Variants in CNTNAP5 observed in about 807,000 individuals in gnomAD.
CNTNAP5 encodes the protein contactin-associated protein-like 5.
In CNTNAP5, 72 loss-of-function variants were observed where a neutral mutation model predicts 150.2. The ratio of observed to expected loss-of-function variants is 0.48; its 90% CI spans 0.40 to 0.58. The LOEUF is 0.58. Ranked by LOEUF, CNTNAP5 falls within the 20% of genes least tolerant of loss-of-function variation. The pLI, the probability that CNTNAP5 is intolerant of heterozygous loss-of-function variation, is 0.00. For synonymous variants in CNTNAP5, 672 were observed against 619.8 expected (o/e 1.08, Z -1.25); for missense variants, 1,636 against 1,626.2 (o/e 1.01, Z -0.10).
chr2:124,810,906 C>T (rs1464831460), intron 19 of CNTNAP5, among the ~76,000 whole-genome samples: 1 of 152,024 alleles, frequency 6.6e-6, no homozygotes, highest in Non-Finnish European at 1.5e-5. Context: ...TCTGTAAAAC[C>T]AGGATAGCCC....
At position 124,469,453 on chromosome 2, in the gene CNTNAP5, A is replaced by G. The variant is rs184994741; in HGVS notation, c.919-5286A>G. Among the ~76,000 whole-genome samples, 18 of 152,324 alleles carry G rather than the reference A, an allele frequency of 1.2e-4. No homozygotes were observed. In the South Asian group the frequency reaches 1.9e-3, roughly 16 times the overall value. On this transcript the variant is annotated intron_variant, in intron 6 of 23. Transcript: ENST00000682447. ...AAAATACAAATGTCATTAAATATTT[A>G]AAATAATAAAAATAAGTAAAAGTAA...
At chr2:124,455,656 A>G (rs948797425) in intron 6 of CNTNAP5, among the ~76,000 whole-genome samples, 4 of 152,158 alleles carry the variant, frequency 2.6e-5, no homozygotes, top group African/African-American at 4.8e-5. Context: ...CATAGATGCA[A>G]AAATCCTTAG....
chr2:124,226,939 C>T (rs1262947537), intron 2 of CNTNAP5, among the ~76,000 whole-genome samples: 1 of 152,028 alleles, frequency 6.6e-6, no homozygotes, highest in Non-Finnish European at 1.5e-5. Context: ...ATCCATTAAA[C>T]CATTAATCCA....
intron 16 of CNTNAP5, among the ~76,000 whole-genome samples, chr2:124,769,488 A>G (rs1357031657): frequency 2.0e-5 from 3 of 152,044 alleles, no homozygotes; most frequent in Admixed American, 2.0e-4. Flanking sequence ...GGGAAGTTGA[A>G]CTTAGAGGGT....
intron 10 of CNTNAP5, among the ~76,000 whole-genome samples, chr2:124,539,544 G>T (rs1695327357): frequency 6.6e-6 from 1 of 152,188 alleles, no homozygotes; most frequent in South Asian, 2.1e-4. Context: ...CAATGAATAT[G>T]TCACTTCTTT....
At position 124,517,854 on chromosome 2, in the gene CNTNAP5, G is replaced by C. The variant is rs1224004618; in HGVS notation, c.1328-6449G>C. 2.1e-4 allele frequency among the ~76,000 whole-genome samples: 31 copies of C among 150,942 alleles called. 1 individual carries two copies. The highest frequency in any genetic ancestry group is 2.0e-3 in the Admixed American group (31 of 15,166). On this transcript the variant is annotated intron_variant, in intron 8 of 23. Transcript: ENST00000682447. ...GTGGTTTTGATGATTGTTCCTAATG[G>C]TGTTGATGATGGAGGGTTGTAGTGT... is the stretch of plus-strand genomic sequence containing the variant.
At chr2:124,891,237 G>A (rs1014312546) in intron 21 of CNTNAP5, among the ~76,000 whole-genome samples, 2 of 152,016 alleles carry the variant, frequency 1.3e-5, no homozygotes, top group African/African-American at 4.8e-5. Flanking sequence ...TGGGTGCCTT[G>A]ATGGGGATAT....
chr2:124,115,142 CTA>C (rs1683393456), intron 1 of CNTNAP5, among the ~76,000 whole-genome samples: 1 of 151,840 alleles, frequency 6.6e-6, no homozygotes, highest in Admixed American at 6.6e-5. Context: ...AATCATTTGA[CTA>C]TTATATTTTA....
At chr2:124,319,468 A>G (rs1573913646) in intron 3 of CNTNAP5, among the ~76,000 whole-genome samples, 1 of 152,174 alleles carries the variant, frequency 6.6e-6, no homozygotes, top group Admixed American at 6.5e-5. Context: ...TAAGTACCTG[A>G]TTTTGTATTT....
intron 13 of CNTNAP5, among the ~76,000 whole-genome samples, chr2:124,693,738 A>G (rs1195681280): frequency 6.6e-6 from 1 of 151,842 alleles, no homozygotes; most frequent in Non-Finnish European, 1.5e-5. Flanking sequence ...TTATTTTTCA[A>G]TAGAGTGGAA....
At position 124,294,651 on chromosome 2, in the gene CNTNAP5, G is replaced by A. The variant is rs1290510161; in HGVS notation, c.381+52258G>A. On this transcript the variant is annotated intron_variant, in intron 3 of 23. Coordinates refer to ENST00000682447, the MANE Select transcript of CNTNAP5 (RefSeq NM_001367498.1). ...TGTAGAGGTATTTGGAGGCTTATAGGTCTTTGTGAGGAGCTCGAATTTGAT... is the reference window on the plus strand; with the variant it reads ...TGTAGAGGTATTTGGAGGCTTATAGATCTTTGTGAGGAGCTCGAATTTGAT... 2.0e-5 allele frequency among the ~76,000 whole-genome samples: 3 copies of A among 152,334 alleles called. No homozygotes were observed. In the South Asian group the frequency reaches 6.2e-4, roughly 32 times the overall value.
At chr2:124,206,882 G>T (rs564478922) in intron 1 of CNTNAP5, among the ~76,000 whole-genome samples, 1 of 152,244 alleles carries the variant, frequency 6.6e-6, no homozygotes, top group African/African-American at 2.4e-5. Flanking sequence ...GGGTCCAGTT[G>T]TTTTGAAGGC....
intron 1 of CNTNAP5, among the ~76,000 whole-genome samples, chr2:124,038,043 C>A (rs748254109): frequency 2.6e-5 from 4 of 152,150 alleles, no homozygotes; most frequent in Non-Finnish European, 5.9e-5. Flanking sequence ...GATTCATCCC[C>A]AAATCCAGAC....
Position 124,065,538 on chromosome 2 carries a change from C to G in CNTNAP5, c.82+39806C>G, listed in dbSNP as rs377030515. Among the ~76,000 whole-genome samples, 14 of 152,284 alleles carry G rather than the reference C, an allele frequency of 9.2e-5. No homozygotes were observed. The South Asian group carries it at 2.9e-3, about 32-fold the overall frequency. On this transcript the variant is annotated intron_variant, in intron 1 of 23. Coordinates refer to ENST00000682447, the MANE Select transcript of CNTNAP5 (RefSeq NM_001367498.1). ...TGAGTCACACAGGGTCAGATGCCAG[C>G]TCTACCAAGTTCAAGCATCTTAACT...
intron 1 of CNTNAP5, among the ~76,000 whole-genome samples, chr2:124,028,683 A>G (rs1452808069): frequency 6.6e-6 from 1 of 152,136 alleles, no homozygotes; most frequent in Non-Finnish European, 1.5e-5. Context: ...CTCTTTTGAC[A>G]TAAGAAGAAG....
intron 10 of CNTNAP5, among the ~76,000 whole-genome samples, chr2:124,557,759 T>A (rs1387760147): frequency 1.3e-5 from 2 of 152,094 alleles, no homozygotes; most frequent in African/African-American, 4.8e-5. Flanking sequence ...AATAACATGA[T>A]GGTGGCAGGC....
chr2:124,558,921 T>A (rs1186261120), intron 10 of CNTNAP5, among the ~76,000 whole-genome samples: 2 of 152,258 alleles, frequency 1.3e-5, no homozygotes, highest in African/African-American at 4.8e-5. Context: ...GTCTCTAGTC[T>A]ACCTAGTGGC....
intron 1 of CNTNAP5, among the ~76,000 whole-genome samples, chr2:124,043,568 C>T (rs1016657949): frequency 6.6e-6 from 1 of 152,034 alleles, no homozygotes; most frequent in Admixed American, 6.5e-5. Context: ...GACTTCCCAT[C>T]ATCATGTTCT....
At chr2:124,479,140 C>A (rs1398642218) in intron 7 of CNTNAP5, among the ~76,000 whole-genome samples, 1 of 152,132 alleles carries the variant, frequency 6.6e-6, no homozygotes, top group Non-Finnish European at 1.5e-5. Flanking sequence ...TTCCTCAAAT[C>A]CTTTATTATA....
Sources: gnomAD v4.1 joint callset for allele counts (sites outside exome capture counted in the v4.1 genomes callset) on GRCh38, gnomAD v4.1.1 for gene constraint, MANE v1.5 for transcripts, NCBI Gene and HGNC (gene_info 2026-07-23, HGNC 2026-07-21) for gene names.